The following MAGI3 variants were observed in gnomAD, a reference collection of about 807,000 sequenced individuals.
MAGI3 encodes the protein membrane-associated guanylate kinase, WW and PDZ domain-containing protein 3.
A neutral mutation model predicts 121.8 loss-of-function variants in MAGI3; 43 were observed. That is an observed-to-expected ratio of 0.35 (90% CI 0.28 to 0.46). The LOEUF (loss-of-function observed/expected upper bound fraction) is 0.46. MAGI3 is among the 20% of genes least tolerant of loss of function. The pLI, the probability that MAGI3 is intolerant of heterozygous loss-of-function variation, is 1.00. For synonymous variants in MAGI3, 553 were observed against 639.3 expected (o/e 0.86, Z 2.04); for missense variants, 1,547 against 1,797.3 (o/e 0.86, Z 2.52).
chr1:113,416,257 CAT>C (rs1164740487), intron 1 of MAGI3, among the ~76,000 whole-genome samples: 5 of 134,370 alleles, frequency 3.7e-5, no homozygotes, highest in African/African-American at 8.1e-5. Context: ...ATTAATTACA[CAT>C]ATTAATTATG....
intron 1 of MAGI3, among the ~76,000 whole-genome samples, chr1:113,461,002 A>G (rs1405575485): frequency 6.6e-6 from 1 of 152,128 alleles, no homozygotes; most frequent in Non-Finnish European, 1.5e-5. Context: ...AAAGAATAAA[A>G]TACCTGGGAC....
chr1:113,679,790 C>T (rs1174118764), intron 19 of MAGI3, among the ~76,000 whole-genome samples: 1 of 151,768 alleles, frequency 6.6e-6, no homozygotes, highest in Non-Finnish European at 1.5e-5. Context: ...ATTGCAACCT[C>T]CACCTCCCAG....
chr1:113,645,049 G>A (rs6537791), intron 11 of MAGI3, among the ~76,000 whole-genome samples: 2,974 of 128,744 alleles, frequency 0.023, 111 homozygotes, highest in African/African-American at 0.079. Context: ...TTTTGAGACA[G>A]AGTCTCACTC....
chr1:113,531,724 C>CA (rs58355927), intron 1 of MAGI3, among the ~76,000 whole-genome samples: 4 of 121,276 alleles, frequency 3.3e-5, no homozygotes, highest in Non-Finnish European at 3.5e-5. Flanking sequence ...GGGTGGGGGT[C>CA]GGGTGGGGGG....
At chr1:113,637,373 G>A (rs1259957118) in intron 9 of MAGI3, among the ~76,000 whole-genome samples, 1 of 152,168 alleles carries the variant, frequency 6.6e-6, no homozygotes, top group Admixed American at 6.5e-5. Flanking sequence ...GGTACCAGTT[G>A]TTCCTTTCCA....
intron 11 of MAGI3, among the ~76,000 whole-genome samples, chr1:113,645,282 C>T (rs1652772312): frequency 6.6e-6 from 1 of 152,162 alleles, no homozygotes; most frequent in Admixed American, 6.5e-5. Flanking sequence ...CCTCGGCCTC[C>T]CAAAGTGCTG....
rs552054452 is a variant in MAGI3, at chr1:113,515,763, T to C, written c.317-33752T>C. Among the ~76,000 whole-genome samples, 22 of 152,238 alleles carry C rather than the reference T, an allele frequency of 1.4e-4. No individual in the cohort carries two copies. In the South Asian group the frequency reaches 1.4e-3, roughly 10 times the overall value. On this transcript the variant is annotated intron_variant, in intron 1 of 20. Transcript: ENST00000307546. The stretch of plus-strand genomic sequence containing the variant: ...TCATAGTTCTTGAGTGAGGGAATTA[T>C]TTAAGGCTTAAGTTACATTTACCTT...
chr1:113,519,819 A>G (rs1362936732), intron 1 of MAGI3, among the ~76,000 whole-genome samples: 2 of 152,236 alleles, frequency 1.3e-5, no homozygotes, highest in Non-Finnish European at 2.9e-5. Context: ...CAGACTCCCA[A>G]AGAAAAGTAA....
chr1:113,390,989 C>G lies in MAGI3; in HGVS notation c.-45C>G. 6.7e-7 allele frequency: 1 copy of G among 1,484,774 alleles called. No homozygotes were observed. Among genetic ancestry groups the G allele is most frequent in the Non-Finnish European group, 8.9e-7 (1 of 1,121,494 alleles). 92.0% of individuals were successfully genotyped at this position (1,484,774 alleles called of 1,614,324 possible). A position where few individuals can be genotyped will look rare whatever the true frequency, so the allele number is the denominator to read the frequency against. On this transcript the variant is annotated 5_prime_UTR_variant, in exon 1 of 21. Coordinates refer to ENST00000307546, the MANE Select transcript of MAGI3 (RefSeq NM_001142782.2). ...CTGAGACGGGGCCGGAGCGGCGCCC[C>G]GGCCGCCCGCGCGGGGTCTCCCCCA...
At chr1:113,517,825 G>T (rs185131895) in intron 1 of MAGI3, among the ~76,000 whole-genome samples, 1 of 151,710 alleles carries the variant, frequency 6.6e-6, no homozygotes, top group African/African-American at 2.4e-5. Flanking sequence ...TGCATTCTCT[G>T]TCTTGTTCCA....
In MAGI3 at chr1:113,536,334, C is replaced by T. The variant is rs192353663; in HGVS notation, c.317-13181C>T. ...CTTTTTCAACACTGGAATGAGTCAT[C>T]TAATACAGTTTTCCAGATCATCTCC... On this transcript the variant is annotated intron_variant, in intron 1 of 20. Coordinates refer to ENST00000307546, the MANE Select transcript of MAGI3 (RefSeq NM_001142782.2). Among the ~76,000 whole-genome samples, 385 of 152,244 alleles carry T rather than the reference C, an allele frequency of 2.5e-3. 3 individuals carry two copies. The highest frequency in any genetic ancestry group is 5.6e-3 in the Admixed American group (85 of 15,274).
intron 1 of MAGI3, among the ~76,000 whole-genome samples, chr1:113,527,073 G>GGTA (rs1293347682): frequency 1.3e-5 from 2 of 152,100 alleles, no homozygotes; most frequent in African/African-American, 2.4e-5. Flanking sequence ...ACAGGTGCCA[G>GGTA]GTACATAGTA....
intron 2 of MAGI3, among the ~76,000 whole-genome samples, chr1:113,556,552 A>ATTT (rs569112647): frequency 7.6e-4 from 89 of 117,556 alleles, no homozygotes; most frequent in Non-Finnish European, 1.1e-3. Flanking sequence ...TATGATAAAG[A>ATTT]TTTTTTTTTT....
intron 7 of MAGI3, among the ~76,000 whole-genome samples, chr1:113,618,069 T>C (rs1471640713): frequency 5.3e-5 from 8 of 152,212 alleles, no homozygotes; most frequent in Non-Finnish European, 7.3e-5. Flanking sequence ...TTTAAATTTT[T>C]ATTTTAGTCC....
chr1:113,593,271 T>G (rs1399895861), intron 5 of MAGI3, among the ~76,000 whole-genome samples: 1 of 152,224 alleles, frequency 6.6e-6, no homozygotes, highest in Non-Finnish European at 1.5e-5. Flanking sequence ...AGTTAATTAC[T>G]TCAGTTAAGT....
chr1:113,677,977 CA>C (rs1647980981), intron 19 of MAGI3, among the ~76,000 whole-genome samples: 1 of 152,146 alleles, frequency 6.6e-6, no homozygotes, highest in South Asian at 2.1e-4. Context: ...TAGGTCTCTG[CA>C]GAATTTCTCC....
At chr1:113,666,412 C>T (rs1443220563) in intron 16 of MAGI3, among the ~76,000 whole-genome samples, 1 of 152,214 alleles carries the variant, frequency 6.6e-6, no homozygotes, top group Non-Finnish European at 1.5e-5. Flanking sequence ...ACAGCATCTT[C>T]ACCAGGAGTA....
intron 9 of MAGI3, among the ~76,000 whole-genome samples, chr1:113,641,098 TATGATATATAAATATATATGA>T (rs1652493746): frequency 1.5e-5 from 1 of 67,242 alleles, no homozygotes; most frequent in Non-Finnish European, 3.2e-5. Context: ...ATATTATATA[TATGATATATAAATATATATGA>T]GATATATATT....
intron 1 of MAGI3, among the ~76,000 whole-genome samples, chr1:113,516,486 C>G (rs1657914333): frequency 6.7e-6 from 1 of 150,238 alleles, no homozygotes; most frequent in Non-Finnish European, 1.5e-5. Flanking sequence ...TCTCAACTGC[C>G]AAATCTGGAA....
Sources: gnomAD v4.1 joint callset for allele counts (sites outside exome capture counted in the v4.1 genomes callset) on GRCh38, gnomAD v4.1.1 for gene constraint, MANE v1.5 for transcripts, NCBI Gene and HGNC (gene_info 2026-07-23, HGNC 2026-07-21) for gene names.